The following SPIDR variants were observed in gnomAD, a reference collection of about 807,000 sequenced individuals.
SPIDR encodes the protein DNA repair-scaffolding protein.
Under a neutral mutation model 104.6 loss-of-function variants are expected in SPIDR, and 93 were observed. That is an observed-to-expected ratio of 0.89 (90% CI 0.75 to 1.06). The LOEUF (loss-of-function observed/expected upper bound fraction) is 1.06. Ranked by LOEUF, SPIDR falls within the 50% of genes least tolerant of loss-of-function variation. The pLI is 0.00. For synonymous variants in SPIDR, 431 were observed against 416.9 expected (o/e 1.03, Z -0.41); for missense variants, 1,154 against 1,111.2 (o/e 1.04, Z -0.55).
At chr8:47,510,310 T>C (rs2082124305) in intron 8 of SPIDR, among the ~76,000 whole-genome samples, 2 of 152,254 alleles carry the variant, frequency 1.3e-5, no homozygotes, top group Admixed American at 6.5e-5. Flanking sequence ...GTGCGGAGGC[T>C]GAAATGTGTA....
At chr8:47,295,689 T>C (rs1401244708) in intron 5 of SPIDR, among the ~76,000 whole-genome samples, 4 of 152,234 alleles carry the variant, frequency 2.6e-5, no homozygotes, top group African/African-American at 4.8e-5. Flanking sequence ...ATATTTACTT[T>C]ATGCATTCGT....
chr8:47,473,109 T>C (rs1237250117), intron 8 of SPIDR, among the ~76,000 whole-genome samples: 1 of 152,234 alleles, frequency 6.6e-6, no homozygotes, highest in African/African-American at 2.4e-5. Context: ...ACACTCATGC[T>C]TTTGGACACA....
chr8:47,549,542 A>G (rs931715843), intron 8 of SPIDR, among the ~76,000 whole-genome samples: 2 of 152,118 alleles, frequency 1.3e-5, no homozygotes. Flanking sequence ...ATGTTTTCAT[A>G]TGTCTGTTGG....
chr8:47,299,486 T>C (rs2041602408), intron 5 of SPIDR, among the ~76,000 whole-genome samples: 1 of 152,140 alleles, frequency 6.6e-6, no homozygotes, highest in Non-Finnish European at 1.5e-5. Context: ...TCCAACACTA[T>C]GTTGAATAGG....
intron 5 of SPIDR, among the ~76,000 whole-genome samples, chr8:47,319,897 A>G (rs1426004041): frequency 4.6e-5 from 7 of 152,006 alleles, no homozygotes; most frequent in Non-Finnish European, 7.3e-5. Context: ...TTGGAAACCA[A>G]CGAGAGCAAA....
intron 7 of SPIDR, among the ~76,000 whole-genome samples, chr8:47,421,024 T>C (rs1326315324): frequency 2.6e-5 from 4 of 152,266 alleles, no homozygotes; most frequent in African/African-American, 4.8e-5. Context: ...CCCACCTTTC[T>C]CTCTGGCTGC....
At chr8:47,374,048 G>A (rs781927838) in intron 5 of SPIDR, among the ~76,000 whole-genome samples, 2 of 152,214 alleles carry the variant, frequency 1.3e-5, no homozygotes, top group Non-Finnish European at 2.9e-5. Flanking sequence ...CATTCTAGGT[G>A]TGGTGATGGT....
At chr8:47,533,797 G>A (rs957273798) in intron 8 of SPIDR, among the ~76,000 whole-genome samples, 23 of 152,186 alleles carry the variant, frequency 1.5e-4, no homozygotes, top group African/African-American at 5.5e-4. Flanking sequence ...AGAGAAAAGG[G>A]AACCCTAATA....
intron 5 of SPIDR, among the ~76,000 whole-genome samples, chr8:47,349,439 G>A (rs928560568): frequency 2.0e-5 from 3 of 152,208 alleles, no homozygotes; most frequent in Admixed American, 1.3e-4. Context: ...ACCCCCTTGA[G>A]GAGGCAGTGT....
At chr8:47,528,516 T>A (rs2085386051) in intron 8 of SPIDR, among the ~76,000 whole-genome samples, 1 of 152,202 alleles carries the variant, frequency 6.6e-6, no homozygotes, top group South Asian at 2.1e-4. Context: ...GGATTTTTTT[T>A]AATTCCTAAG....
At chr8:47,621,317 A>T (rs1044573778) in intron 10 of SPIDR, among the ~76,000 whole-genome samples, 3 of 152,188 alleles carry the variant, frequency 2.0e-5, no homozygotes, top group Non-Finnish European at 4.4e-5. Context: ...TCTAATTCCA[A>T]ATGTCTGGAT....
chr8:47,700,256 T>G, intron 11 of SPIDR, 147 bp from the exon 12 acceptor site: 1 of 830,094 alleles, frequency 1.2e-6, no homozygotes, highest in Non-Finnish European at 2.1e-6. Context: ...TCTGTGTGCC[T>G]TCTTCCCCCT....
chr8:47,433,857 T>C (rs1394800526), intron 7 of SPIDR, among the ~76,000 whole-genome samples: 1 of 152,166 alleles, frequency 6.6e-6, no homozygotes, highest in Non-Finnish European at 1.5e-5. Context: ...AGTGGAATTA[T>C]GTTTAATTAA....
intron 5 of SPIDR, among the ~76,000 whole-genome samples, chr8:47,364,592 T>A (rs531516565): frequency 2.6e-5 from 4 of 152,212 alleles, no homozygotes; most frequent in African/African-American, 4.8e-5. Context: ...TTTTCTTCAG[T>A]TCACAAATAG....
chr8:47,665,707 A>C (rs1478523774), intron 10 of SPIDR, among the ~76,000 whole-genome samples: 1 of 152,208 alleles, frequency 6.6e-6, no homozygotes, highest in East Asian at 1.9e-4. Flanking sequence ...GAGGACCTAA[A>C]ATCATGTCTT....
intron 5 of SPIDR, chr8:47,360,755 C>T: frequency 1.2e-6 from 1 of 814,634 alleles, no homozygotes; most frequent in Non-Finnish European, 1.5e-6. Context: ...CAAAACAAAA[C>T]AAAAAACAGA....
intron 8 of SPIDR, among the ~76,000 whole-genome samples, chr8:47,524,763 G>A (rs2084719920): frequency 6.6e-6 from 1 of 152,208 alleles, no homozygotes; most frequent in Admixed American, 6.5e-5. Context: ...GGTTGGAAGG[G>A]AATTGGGAGA....
intron 5 of SPIDR, among the ~76,000 whole-genome samples, chr8:47,373,733 T>TCACA (rs1169377995): frequency 6.6e-6 from 1 of 152,246 alleles, no homozygotes; most frequent in Non-Finnish European, 1.5e-5. Context: ...TCTGTAGAAC[T>TCACA]CACATTAATA....
chr8:47,654,073 ATCT>A (rs1185002416), intron 10 of SPIDR: 2 of 1,289,646 alleles, frequency 1.6e-6, no homozygotes, highest in Admixed American at 4.6e-5. Context: ...CAGCATCTTG[ATCT>A]TCTTAGGCCC....
Sources: allele counts gnomAD v4.1 joint callset (sites outside exome capture counted in the v4.1 genomes callset), GRCh38; gene constraint gnomAD v4.1.1; transcripts MANE v1.5; gene names NCBI Gene and HGNC (gene_info 2026-07-23, HGNC 2026-07-21).